Variants in PTPRN2 observed in about 807,000 individuals in gnomAD.
PTPRN2 encodes receptor-type tyrosine-protein phosphatase N2.
In PTPRN2, 74 loss-of-function variants were observed where a neutral mutation model predicts 118.8. That is an observed-to-expected ratio of 0.62 (90% CI 0.52 to 0.76). The LOEUF (loss-of-function observed/expected upper bound fraction) is 0.76. Ranked by LOEUF, PTPRN2 falls within the 30% of genes least tolerant of loss-of-function variation. The pLI, the probability that PTPRN2 is intolerant of heterozygous loss-of-function variation, is 0.00. For missense variants in PTPRN2, 1,481 were observed against 1,394.4 expected, an observed-to-expected ratio of 1.06 and a Z score of -0.99; for synonymous variants, 641 against 608.0, an observed-to-expected ratio of 1.05 and a Z score of -0.80.
chr7:158,561,881 A>ACAC (rs149901421), intron 1 of PTPRN2, among the ~76,000 whole-genome samples: 1,764 of 152,230 alleles, frequency 0.012, 26 homozygotes, highest in African/African-American at 0.04. Flanking sequence ...TGGCCCTGGA[A>ACAC]CACCACAATT....
chr7:158,464,675 C>G (rs1358694642), intron 2 of PTPRN2, among the ~76,000 whole-genome samples: 1 of 150,060 alleles, frequency 6.7e-6, no homozygotes, highest in Non-Finnish European at 1.5e-5. Context: ...ACCATCATTG[C>G]CATGCCATTT....
intron 2 of PTPRN2, among the ~76,000 whole-genome samples, chr7:158,479,480 G>C (rs903702201): frequency 6.6e-6 from 1 of 152,162 alleles, no homozygotes; most frequent in Non-Finnish European, 1.5e-5. Context: ...GCAATCACAG[G>C]CTGCGTCTGC....
At chr7:157,838,256 A>G (rs535487732) in intron 12 of PTPRN2, among the ~76,000 whole-genome samples, 24 of 148,110 alleles carry the variant, frequency 1.6e-4, no homozygotes, top group African/African-American at 5.7e-4. Flanking sequence ...GGCACGGGAG[A>G]AAGCTCCTCT....
chr7:157,800,767 A>G (rs1585503769), intron 12 of PTPRN2, among the ~76,000 whole-genome samples: 1 of 152,060 alleles, frequency 6.6e-6, no homozygotes, highest in South Asian at 2.1e-4. Flanking sequence ...CCTGGCCAAC[A>G]CGGTGAAACC....
chr7:158,386,780 G>A (rs1043536531), intron 2 of PTPRN2, among the ~76,000 whole-genome samples: 11 of 152,190 alleles, frequency 7.2e-5, no homozygotes, highest in Non-Finnish European at 5.9e-5. Flanking sequence ...CTACTGCATC[G>A]ACTCCCAGCT....
chr7:158,152,247 G>A (rs1027764772), intron 6 of PTPRN2, among the ~76,000 whole-genome samples: 3 of 150,670 alleles, frequency 2.0e-5, no homozygotes, highest in African/African-American at 7.3e-5. Flanking sequence ...ATAACCCAGA[G>A]TATGAAGGAT....
rs1232287928 is a variant in PTPRN2 at position 157,658,901 on chromosome 7, A to C, written c.2002-2350T>G. Reference sequence around the variant, plus strand: ...ATTTTGGTGGTGTCCGGGGGAGGCCAAGCCACCCACTCGCTCCCCACAGCC... The same window carrying C: ...ATTTTGGTGGTGTCCGGGGGAGGCCCAGCCACCCACTCGCTCCCCACAGCC... On this transcript the variant is annotated intron_variant, in intron 13 of 22. Transcript: ENST00000389418. Among the ~76,000 whole-genome samples the C allele has an allele frequency of 2.0e-5, 3 of 152,204 alleles. No homozygotes were observed. The East Asian group carries it at 5.8e-4, about 30-fold the overall frequency.
chr7:158,046,282 C>G (rs1196391757), intron 11 of PTPRN2, among the ~76,000 whole-genome samples: 2 of 145,948 alleles, frequency 1.4e-5, no homozygotes, highest in Admixed American at 6.9e-5. Context: ...GGAGCAGAAA[C>G]TGCGATCCTG....
At position 158,307,114 on chromosome 7, in the gene PTPRN2, G is replaced by A. The variant is rs561828934; in HGVS notation, c.277+9705C>T. Among the ~76,000 whole-genome samples the A allele has an allele frequency of 5.9e-5, 9 of 152,116 alleles. No individual in the cohort carries two copies. In the South Asian group the frequency reaches 1.0e-3, roughly 18 times the overall value. Reference sequence around the variant, plus strand: ...ACTCCTGACCTCAAGTGATCCACCCGCCTCGGCCTCCCAAAGTGCTGGGAT... The same window carrying A: ...ACTCCTGACCTCAAGTGATCCACCCACCTCGGCCTCCCAAAGTGCTGGGAT... On this transcript the variant is annotated intron_variant, in intron 3 of 22. Transcript: ENST00000389418.
At chr7:158,321,983 C>G (rs1229876218) in intron 2 of PTPRN2, among the ~76,000 whole-genome samples, 1 of 152,224 alleles carries the variant, frequency 6.6e-6, no homozygotes, top group Non-Finnish European at 1.5e-5. Context: ...AGCCTAACCC[C>G]CAGGTGCTCC....
chr7:157,638,446 G>T (rs1804456345), intron 14 of PTPRN2, among the ~76,000 whole-genome samples: 1 of 152,246 alleles, frequency 6.6e-6, no homozygotes, highest in Non-Finnish European at 1.5e-5. Context: ...TAAAATGTTG[G>T]TGAAGGGAAG....
At chr7:158,171,149 TACACATATATATAC>T (rs1183294990) in intron 5 of PTPRN2, among the ~76,000 whole-genome samples, 5 of 71,728 alleles carry the variant, frequency 7.0e-5, no homozygotes, top group South Asian at 4.6e-4. Context: ...CACATATATA[TACACATATATATAC>T]ACACATATAT....
chr7:158,274,344 A>AGGAGCCACAGACACGGGAG (rs11402798), intron 3 of PTPRN2, among the ~76,000 whole-genome samples: 1 of 112,824 alleles, frequency 8.9e-6, no homozygotes, highest in Non-Finnish European at 1.7e-5. Flanking sequence ...CAGACGCGGG[A>AGGAGCCACAGACACGGGAG]GAGCCACAGA....
intron 1 of PTPRN2, among the ~76,000 whole-genome samples, chr7:158,527,456 ACCT>A (rs1824874555): frequency 6.6e-6 from 1 of 151,886 alleles, no homozygotes; most frequent in Admixed American, 6.6e-5. Context: ...AACATGTCTG[ACCT>A]CCTGCTTCAG....
At chr7:158,481,823 T>C (rs544080115) in intron 2 of PTPRN2, among the ~76,000 whole-genome samples, 12 of 152,214 alleles carry the variant, frequency 7.9e-5, no homozygotes, top group Non-Finnish European at 1.5e-4. Flanking sequence ...GTGATTCCTC[T>C]GACTGATCTG....
At chr7:157,756,094 T>A (rs1387985465) in intron 12 of PTPRN2, among the ~76,000 whole-genome samples, 1 of 152,186 alleles carries the variant, frequency 6.6e-6, no homozygotes, top group African/African-American at 2.4e-5. Flanking sequence ...AAAAATATAC[T>A]TGTGAAAAAC....
At chr7:158,123,557 C>T (rs1371080533) in intron 9 of PTPRN2, among the ~76,000 whole-genome samples, 1 of 152,168 alleles carries the variant, frequency 6.6e-6, no homozygotes, top group Non-Finnish European at 1.5e-5. Flanking sequence ...GCCATGCAGC[C>T]CCGGAGCTCG....
intron 12 of PTPRN2, among the ~76,000 whole-genome samples, chr7:157,783,282 C>T (rs970407196): frequency 1.2e-4 from 18 of 151,974 alleles, no homozygotes; most frequent in South Asian, 4.2e-4. Flanking sequence ...CCTGCCTTGG[C>T]GGTGCTGTGA....
rs370558720 is a variant in PTPRN2 at position 157,763,437 on chromosome 7, C to A, written c.1789-80500G>T. On this transcript the variant is annotated intron_variant, in intron 12 of 22. Transcript: ENST00000389418. The surrounding 1 kb of genome is among the most constrained non-coding windows in gnomAD (Gnocchi z 4.9). ...GCTCTGAGGCACAGGTTGGCGGTGG[C>A]CCTGAGCCAGGCTGGTGTGGCCTCG... Among the ~76,000 whole-genome samples, 1 of 152,118 alleles carries A rather than the reference C, an allele frequency of 6.6e-6. No homozygotes were observed. The highest frequency in any genetic ancestry group is 6.5e-5 in the Admixed American group (1 of 15,278).
Sources: gnomAD v4.1 joint callset for allele counts (sites outside exome capture counted in the v4.1 genomes callset) on GRCh38, gnomAD v4.1.1 for gene constraint, Gnocchi (gnomAD v3.1) non-coding constraint, MANE v1.5 for transcripts, NCBI Gene and HGNC (gene_info 2026-07-23, HGNC 2026-07-21) for gene names.